CLNK: variants seen among roughly 807,000 people sequenced by gnomAD.
CLNK encodes the protein cytokine-dependent hematopoietic cell linker.
In CLNK, 74 loss-of-function variants were observed where a neutral mutation model predicts 68.6. The observed-to-expected ratio is 1.08, with a 90% CI of 0.89 to 1.31. CLNK has a LOEUF of 1.31. CLNK is among the 50% of genes most tolerant of loss of function. The probability of loss-of-function intolerance (pLI) is 0.00; values close to 1 mark genes in which losing one functional copy is unlikely to be tolerated. For missense variants in CLNK, 553 were observed against 515.3 expected (o/e 1.07, Z -0.71); for synonymous variants, 198 against 172.2 (o/e 1.15, Z -1.17).
At chr4:10,699,492 C>CTATATATA in the CLNK span, among the ~76,000 whole-genome samples, 7 of 59,550 alleles carry the variant, frequency 1.2e-4, no homozygotes, top group African/African-American at 4.5e-4. Context: ...CTCTCTCTCT[C>CTATATATA]TCTATATATA....
chr4:10,558,533 G>T, intron 7 of CLNK, 81 bp from the exon 8 acceptor site: 2 of 1,353,212 alleles, frequency 1.5e-6, no homozygotes, highest in Non-Finnish European at 2.1e-6. Flanking sequence ...TCTGTGGTTA[G>T]GTTCCCAAGG....
chr4:10,557,961 A>G (rs1719739302), intron 8 of CLNK, among the ~76,000 whole-genome samples: 2 of 152,194 alleles, frequency 1.3e-5, no homozygotes, highest in Admixed American at 6.5e-5. Context: ...ACTGAAATTG[A>G]TTATTTGCTT....
At chr4:10,513,176 A>C (rs1420256388) in intron 16 of CLNK, among the ~76,000 whole-genome samples, 2 of 148,694 alleles carry the variant, frequency 1.3e-5, no homozygotes, top group African/African-American at 5.0e-5. Flanking sequence ...TAAATATAAA[A>C]CACGTGTCTA....
chr4:10,606,807 T>G (rs1256083809), intron 2 of CLNK, among the ~76,000 whole-genome samples: 1 of 152,142 alleles, frequency 6.6e-6, no homozygotes, highest in Non-Finnish European at 1.5e-5. Flanking sequence ...CACACACACA[T>G]AGTTGATTCT....
intron 15 of CLNK, among the ~76,000 whole-genome samples, chr4:10,515,592 ACCT>A (rs1410535595): frequency 6.6e-6 from 1 of 152,156 alleles, no homozygotes; most frequent in Non-Finnish European, 1.5e-5. Flanking sequence ...TGAGCCTGAC[ACCT>A]CATGGAAAAC....
At chr4:10,524,087 A>AGAGGAGGAGGAGGAGGAGGAG (rs59952822) in intron 14 of CLNK, 3 of 153,760 alleles carry the variant, frequency 2.0e-5, no homozygotes, top group African/African-American at 7.5e-5. Context: ...AGAAAAGAGA[A>AGAGGAGGAGGAGGAGGAGGAG]GAGGAGGAGG....
chr4:10,692,403 T>A, the CLNK span, among the ~76,000 whole-genome samples: 423 of 152,290 alleles, frequency 2.8e-3, 2 homozygotes, highest in African/African-American at 9.6e-3. Flanking sequence ...CAGCAGTTGG[T>A]GATCCCGTGA....
chr4:10,723,658 T>C, the CLNK span, among the ~76,000 whole-genome samples: 1 of 152,164 alleles, frequency 6.6e-6, no homozygotes, highest in African/African-American at 2.4e-5. Context: ...TTCTTGTTCA[T>C]TGAGACCCTT....
chr4:10,707,453 G>T, the CLNK span, among the ~76,000 whole-genome samples: 1 of 152,194 alleles, frequency 6.6e-6, no homozygotes, highest in Non-Finnish European at 1.5e-5. Flanking sequence ...TTATAGTAAT[G>T]CAAGATAGAC....
chr4:10,717,427 C>T, the CLNK span, among the ~76,000 whole-genome samples: 1 of 152,178 alleles, frequency 6.6e-6, no homozygotes, highest in Non-Finnish European at 1.5e-5. Context: ...GAAACCCCGT[C>T]TCTATTAAAA....
At chr4:10,524,040 A>G (rs1718194756) in intron 14 of CLNK, 1 of 214,284 alleles carries the variant, frequency 4.7e-6, no homozygotes, top group Non-Finnish European at 9.8e-6. Context: ...GAAAGGAAGA[A>G]AGGAAGGAAG....
Position 10,532,848 on chromosome 4 carries a change from GC to G in CLNK, c.603-566del, listed in dbSNP as rs1718601927. On this transcript the variant is annotated intron_variant, in intron 11 of 18. Transcript: ENST00000226951. ...GGAAAGGTCTCTGACTAAACTTCAA[GC>G]TTTTCATTTTATCAGCAAGTCAATT... is the stretch of plus-strand genomic sequence containing the variant. Among the ~76,000 whole-genome samples the G allele has an allele frequency of 3.9e-5, 6 of 152,324 alleles. No individual in the cohort carries two copies. In the South Asian group the frequency reaches 1.2e-3, roughly 32 times the overall value.
In CLNK at chr4:10,490,329, C is replaced by A. The variant is rs1716515241; in HGVS notation, c.*138G>T. ...TTTCAAAACCGTGAGTGATTTTCCA[C>A]TCTCTGTTATAGAGTGTTTTTCTTT... On this transcript the variant is annotated 3_prime_UTR_variant, in exon 19 of 19. Coordinates refer to ENST00000226951, the MANE Select transcript of CLNK (RefSeq NM_052964.4). 4.2e-6 allele frequency: 3 copies of A among 715,532 alleles called. No homozygotes were observed. The highest frequency in any genetic ancestry group is 6.1e-6 in the Non-Finnish European group (3 of 489,100). 44.3% of individuals were successfully genotyped at this position (715,532 alleles called of 1,614,324 possible). A position where few individuals can be genotyped will look rare whatever the true frequency, so the allele number is the denominator to read the frequency against.
intron 4 of CLNK, among the ~76,000 whole-genome samples, chr4:10,574,232 A>C (rs1354257400): frequency 6.6e-6 from 1 of 152,134 alleles, no homozygotes; most frequent in East Asian, 1.9e-4. Flanking sequence ...GCTCAGCACA[A>C]CCTGCCCCAC....
chr4:10,603,381 A>G (rs1721663132), intron 2 of CLNK, among the ~76,000 whole-genome samples: 1 of 152,210 alleles, frequency 6.6e-6, no homozygotes, highest in African/African-American at 2.4e-5. Flanking sequence ...CATTGTTTGT[A>G]TTTCACAACA....
chr4:10,521,538 G>A (rs1343760869), intron 14 of CLNK, among the ~76,000 whole-genome samples: 3 of 152,182 alleles, frequency 2.0e-5, no homozygotes, highest in African/African-American at 4.8e-5. Flanking sequence ...CTATTCCAAG[G>A]ACTGTGCTAT....
At chr4:10,505,675 C>T (rs1021012519) in intron 17 of CLNK, among the ~76,000 whole-genome samples, 1 of 152,176 alleles carries the variant, frequency 6.6e-6, no homozygotes, top group Non-Finnish European at 1.5e-5. Flanking sequence ...TTCATTATCA[C>T]GTCCCTCCTC....
chr4:10,641,739 T>C (rs1723314504), intron 2 of CLNK, among the ~76,000 whole-genome samples: 2 of 152,240 alleles, frequency 1.3e-5, no homozygotes. Context: ...GGTTTGGCTG[T>C]GTCCCTACCC....
the CLNK span, among the ~76,000 whole-genome samples, chr4:10,694,393 C>A: frequency 6.6e-6 from 1 of 151,952 alleles, no homozygotes; most frequent in South Asian, 2.1e-4. Flanking sequence ...TCATGCACTG[C>A]CTAAGGCTGT....
Sources: gnomAD v4.1 joint callset for allele counts (sites outside exome capture counted in the v4.1 genomes callset) on GRCh38, gnomAD v4.1.1 for gene constraint, MANE v1.5 for transcripts, NCBI Gene and HGNC (gene_info 2026-07-23, HGNC 2026-07-21) for gene names.